Variants in BCAS3 observed in about 807,000 individuals in gnomAD.
BCAS3 encodes BCAS4/BCAS3 fusion.
A neutral mutation model predicts 116.1 loss-of-function variants in BCAS3; 53 were observed. That is an observed-to-expected ratio of 0.46 (90% CI 0.37 to 0.57). The LOEUF (loss-of-function observed/expected upper bound fraction) is 0.57. BCAS3 is among the 20% of genes least tolerant of loss of function. The pLI is 0.00. For missense variants in BCAS3, 917 were observed against 1,165.4 expected, an observed-to-expected ratio of 0.79 and a Z score of 3.10; for synonymous variants, 391 against 408.2, an observed-to-expected ratio of 0.96 and a Z score of 0.51.
In BCAS3 at chr17:61,034,669, A is replaced by T; in HGVS notation, c.1641A>T (p.Lys547Asn). 6.2e-7 allele frequency: 1 copy of T among 1,603,250 alleles called. No individual in the cohort carries two copies. Among genetic ancestry groups the T allele is most frequent in the Middle Eastern group, 1.7e-4 (1 of 6,022 alleles). Reference protein sequence around the residue: ...TLGTITKRTGKVKPPPQISPS... With the variant: ...TLGTITKRTGNVKPPPQISPS... The stretch of plus-strand genomic sequence containing the variant: ...TACTCTTATTTTATTTTTTAAGCAA[A>T]GTTAAACCTCCTCCACAAATTTCAC... The change falls in exon 17 of 24, where the codon AAA becomes AAT. Residue 547 changes from lysine (K) to asparagine (N), a missense_variant. Lys to Asn is a moderately conservative substitution (Grantham distance 94). Coordinates refer to ENST00000407086, the MANE Select transcript of BCAS3 (RefSeq NM_017679.5). The surrounding 1 kb of genome is among the most constrained non-coding windows in gnomAD (Gnocchi z 5.0).
At chr17:60,830,964 C>T (rs748797896) in intron 7 of BCAS3, among the ~76,000 whole-genome samples, 2 of 151,698 alleles carry the variant, frequency 1.3e-5, no homozygotes, top group African/African-American at 2.4e-5. Context: ...ATTTGACCCT[C>T]GGGCTCAAAC....
chr17:61,369,549 G>C (rs983931645), intron 23 of BCAS3, among the ~76,000 whole-genome samples: 4 of 152,180 alleles, frequency 2.6e-5, no homozygotes, highest in African/African-American at 9.7e-5. Flanking sequence ...GGCTCCTCCA[G>C]ATCTTTAGAT....
At chr17:60,951,788 T>C (rs2060849522) in intron 14 of BCAS3, among the ~76,000 whole-genome samples, 2 of 127,274 alleles carry the variant, frequency 1.6e-5, no homozygotes, top group African/African-American at 3.7e-5. Context: ...TTTTTTTTTC[T>C]TTGGAGACGG....
rs574555177 is a variant in BCAS3 at position 60,852,996 on chromosome 17, A to T, written c.477-15580A>T. Among the ~76,000 whole-genome samples, 3 of 152,356 alleles carry T rather than the reference A, an allele frequency of 2.0e-5. No homozygotes were observed. The East Asian group carries it at 5.8e-4, about 29-fold the overall frequency. On this transcript the variant is annotated intron_variant, in intron 7 of 23. Transcript: ENST00000407086. ...CGTCCTCCCAAAAACCTGCACAAAGATGCGTATAGCAACTTTATTCATAAT... is the reference window on the plus strand; with the variant it reads ...CGTCCTCCCAAAAACCTGCACAAAGTTGCGTATAGCAACTTTATTCATAAT...
intron 10 of BCAS3, among the ~76,000 whole-genome samples, chr17:60,890,622 G>C (rs1036220260): frequency 6.6e-6 from 1 of 152,076 alleles, no homozygotes; most frequent in Non-Finnish European, 1.5e-5. Context: ...CATAATAAGT[G>C]AAGATACTAT....
At chr17:60,784,151 G>A (rs1306463053) in intron 6 of BCAS3, among the ~76,000 whole-genome samples, 2 of 151,590 alleles carry the variant, frequency 1.3e-5, no homozygotes, top group Admixed American at 6.6e-5. Flanking sequence ...GAAGATGTTA[G>A]GCATCTTATC....
chr17:61,099,682 GT>G (rs1350893845), intron 22 of BCAS3, among the ~76,000 whole-genome samples: 2 of 152,152 alleles, frequency 1.3e-5, no homozygotes, highest in Admixed American at 1.3e-4. Context: ...TTGTTTTAAG[GT>G]TATCTTTATA....
intron 6 of BCAS3, among the ~76,000 whole-genome samples, chr17:60,781,264 C>A (rs961332737): frequency 2.0e-5 from 3 of 151,694 alleles, no homozygotes; most frequent in Admixed American, 2.0e-4. Context: ...GCCGCTACGC[C>A]CAGCTTTTTT....
intron 23 of BCAS3, among the ~76,000 whole-genome samples, chr17:61,371,691 A>G (rs868806247): frequency 1.3e-5 from 2 of 152,220 alleles, no homozygotes; most frequent in African/African-American, 4.8e-5. Flanking sequence ...ATAAATATAT[A>G]TAATTTTTAT....
intron 22 of BCAS3, among the ~76,000 whole-genome samples, chr17:61,166,489 C>T (rs1468330149): frequency 7.0e-6 from 1 of 143,572 alleles, no homozygotes; most frequent in East Asian, 2.2e-4. Flanking sequence ...CCTGCGTCTC[C>T]TGGGTTCAGG....
In BCAS3 at chr17:60,931,329, G is replaced by T. The variant is rs1452546748; in HGVS notation, c.1087+6829G>T. Among the ~76,000 whole-genome samples the T allele has an allele frequency of 5.3e-5, 8 of 152,038 alleles. No homozygotes were observed. The East Asian group carries it at 1.5e-3, about 29-fold the overall frequency. On this transcript the variant is annotated intron_variant, in intron 13 of 23. Transcript: ENST00000407086. ...CTCGCTCTGTTGCCTAGGCTGGAGT[G>T]CAGTGGCACAATTTCAGCTCACTGC...
At chr17:61,230,481 G>A (rs900357350) in intron 22 of BCAS3, among the ~76,000 whole-genome samples, 10 of 152,038 alleles carry the variant, frequency 6.6e-5, no homozygotes, top group Non-Finnish European at 1.5e-4. Flanking sequence ...GTAGTTCAGA[G>A]TATCTATTGT....
rs577327334 is a variant in BCAS3 at position 61,265,615 on chromosome 17, T to G, written c.2426-102712T>G. ...TTGACTTTACGTAAGGATTGCCAAT[T>G]CATGCCCAAACTTAGTGAAGCAAGC... On this transcript the variant is annotated intron_variant, in intron 22 of 23. Transcript: ENST00000407086. This position sits in a 1 kb window ranked among gnomAD's most constrained non-coding sequence, Gnocchi z 4.3. Among the ~76,000 whole-genome samples, 44 of 152,334 alleles carry G rather than the reference T, an allele frequency of 2.9e-4. No homozygotes were observed. The highest frequency in any genetic ancestry group is 4.1e-4 in the Non-Finnish European group (28 of 68,030).
chr17:61,060,077 T>C (rs2143290858), intron 19 of BCAS3, among the ~76,000 whole-genome samples: 1 of 152,240 alleles, frequency 6.6e-6, no homozygotes, highest in South Asian at 2.1e-4. Flanking sequence ...GAAAATAAAA[T>C]GGTATACAGT....
At chr17:61,223,401 T>C in intron 22 of BCAS3, among the ~76,000 whole-genome samples, 1 of 152,166 alleles carries the variant, frequency 6.6e-6, no homozygotes, top group East Asian at 1.9e-4. Flanking sequence ...TCAGGTGATC[T>C]GCCTGCCTTG....
rs1186902823 is a variant in BCAS3 at position 61,219,102 on chromosome 17, T to C, written c.2425+134538T>C. Among the ~76,000 whole-genome samples, 2 of 152,188 alleles carry C rather than the reference T, an allele frequency of 1.3e-5. No homozygotes were observed. Among genetic ancestry groups the C allele is most frequent in the African/African-American group, 4.8e-5 (2 of 41,438 alleles). On this transcript the variant is annotated intron_variant, in intron 22 of 23. Transcript: ENST00000407086. The surrounding 1 kb of genome is among the most constrained non-coding windows in gnomAD (Gnocchi z 5.2). ...TTCTGCGCTCCGTAACTAATATTTT[T>C]ATAGGAAATATGAAATGAAGTAAAG... is the stretch of plus-strand genomic sequence containing the variant.
At position 61,378,006 on chromosome 17, in the gene BCAS3, G is replaced by A. The variant is rs1296340305; in HGVS notation, c.2593+9512G>A. 1 of 152,046 alleles carries A rather than the reference G, an allele frequency of 6.6e-6. No homozygotes were observed. The highest frequency in any genetic ancestry group is 2.4e-5 in the African/African-American group (1 of 41,312). The allele number at this position is 152,046 out of a possible 1,614,324, so 9.4% of individuals were successfully genotyped here. A position where few individuals can be genotyped will look rare whatever the true frequency, so the allele number is the denominator to read the frequency against. On this transcript the variant is annotated intron_variant, in intron 23 of 23. Transcript: ENST00000407086. This position sits in a 1 kb window ranked among gnomAD's most constrained non-coding sequence, Gnocchi z 5.8. The stretch of plus-strand genomic sequence containing the variant: ...CAGAATAAGTAGGGATCCAGCAGAG[G>A]AAGGGGACTGTCACTAGCAGGGCCT...
chr17:61,374,323 A>C (rs2059225209), intron 23 of BCAS3, among the ~76,000 whole-genome samples: 1 of 150,156 alleles, frequency 6.7e-6, no homozygotes. Flanking sequence ...GGCATATGCC[A>C]CCACACTCGG....
chr17:60,897,368 T>A (rs183580999), intron 10 of BCAS3, among the ~76,000 whole-genome samples: 6 of 152,336 alleles, frequency 3.9e-5, no homozygotes, highest in Non-Finnish European at 7.4e-5. Context: ...TTTTAGACAA[T>A]GACTATAATG....
Sources: allele counts gnomAD v4.1 joint callset (sites outside exome capture counted in the v4.1 genomes callset), GRCh38; gene constraint gnomAD v4.1.1; non-coding constraint Gnocchi (gnomAD v3.1); transcripts MANE v1.5; gene names NCBI Gene and HGNC (gene_info 2026-07-23, HGNC 2026-07-21).